The following CCNY variants were observed in gnomAD, a reference collection of about 807,000 sequenced individuals.
CCNY encodes the protein cyclin-Y.
Under a neutral mutation model 42.8 loss-of-function variants are expected in CCNY, and 19 were observed. The observed-to-expected ratio is 0.44, with a 90% CI of 0.31 to 0.65. The LOEUF is 0.65. Ranked by LOEUF, CCNY falls within the 30% of genes least tolerant of loss-of-function variation. CCNY has a pLI of 0.07. For synonymous variants in CCNY, 165 were observed against 162.7 expected, an observed-to-expected ratio of 1.01 and a Z score of -0.11; for missense variants, 370 against 437.3, an observed-to-expected ratio of 0.85 and a Z score of 1.37.
chr10:35,532,404 T>C (rs1840787467), intron 7 of CCNY, among the ~76,000 whole-genome samples: 1 of 152,246 alleles, frequency 6.6e-6, no homozygotes, highest in Non-Finnish European at 1.5e-5. Flanking sequence ...CTGGCCGTGC[T>C]TCCCACACGG....
chr10:35,455,334 A>C (rs1194253775), intron 1 of CCNY: 1 of 152,154 alleles, frequency 6.6e-6, no homozygotes, highest in African/African-American at 2.4e-5. Context: ...ATAAATGTGG[A>C]TTTTTCTACT....
Position 35,569,531 on chromosome 10 carries a change from C to T in CCNY, c.*361C>T, listed in dbSNP as rs756162256. 12 of 293,502 alleles carry T rather than the reference C, an allele frequency of 4.1e-5. No individual in the cohort carries two copies. The highest frequency in any genetic ancestry group is 3.7e-4 in the East Asian group (5 of 13,364). 18.2% of individuals were successfully genotyped at this position (293,502 alleles called of 1,614,324 possible). A position where few individuals can be genotyped will look rare whatever the true frequency, so the allele number is the denominator to read the frequency against. ...CGGTAGCTGAAGTTGGCGAGCGCAG[C>T]GGTGGATGCAGAGCTGGCTGCACCC... On this transcript the variant is annotated 3_prime_UTR_variant, in exon 10 of 10. Coordinates refer to ENST00000374704, the MANE Select transcript of CCNY (RefSeq NM_145012.6).
chr10:35,525,287 C>G (rs1840630438), intron 4 of CCNY, among the ~76,000 whole-genome samples: 1 of 152,026 alleles, frequency 6.6e-6, no homozygotes, highest in Non-Finnish European at 1.5e-5. Flanking sequence ...GAATATTTTT[C>G]TTACATTTTC....
intron 9 of CCNY, among the ~76,000 whole-genome samples, chr10:35,567,582 A>G (rs993177496): frequency 6.6e-6 from 1 of 152,198 alleles, no homozygotes; most frequent in Non-Finnish European, 1.5e-5. Context: ...ACCACTGCCC[A>G]TCCCAGGTGG....
chr10:35,396,406 A>G (rs1837527231), intron 1 of CCNY, among the ~76,000 whole-genome samples: 1 of 152,134 alleles, frequency 6.6e-6, no homozygotes, highest in South Asian at 2.1e-4. Flanking sequence ...AGGTGCCGCA[A>G]GAAGGTGGGG....
At chr10:35,381,215 A>G (rs1373429567) in intron 1 of CCNY, among the ~76,000 whole-genome samples, 1 of 152,234 alleles carries the variant, frequency 6.6e-6, no homozygotes, top group Non-Finnish European at 1.5e-5. Context: ...TTGAGTTTTA[A>G]TAATAGATAC....
intron 1 of CCNY, among the ~76,000 whole-genome samples, chr10:35,456,690 T>G (rs1266363711): frequency 6.6e-6 from 1 of 152,236 alleles, no homozygotes; most frequent in Non-Finnish European, 1.5e-5. Flanking sequence ...ATATTGCCTT[T>G]CTACTTTCTC....
At chr10:35,449,903 C>T in intron 1 of CCNY, 3 of 593,538 alleles carry the variant, frequency 5.1e-6, no homozygotes, top group Non-Finnish European at 6.4e-6. Context: ...CAGGGCCTAC[C>T]TGAGTAGGGT....
rs190708773 is a variant in CCNY, at chr10:35,386,311, G to C, written c.154+49104G>C. Among the ~76,000 whole-genome samples, 533 of 152,278 alleles carry C rather than the reference G, an allele frequency of 3.5e-3. 5 individuals carry two copies. The highest frequency in any genetic ancestry group is 0.013 in the African/African-American group (522 of 41,556). On this transcript the variant is annotated intron_variant, in intron 1 of 9. Coordinates refer to ENST00000374704, the MANE Select transcript of CCNY (RefSeq NM_145012.6). ...AAAAGGCAGGTCCAGAATGGAAAGGGATTTCCCGGTAAAGCATGGCAGCTT... is the reference window on the plus strand; with the variant it reads ...AAAAGGCAGGTCCAGAATGGAAAGGCATTTCCCGGTAAAGCATGGCAGCTT...
intron 1 of CCNY, among the ~76,000 whole-genome samples, chr10:35,383,355 T>A (rs1009295310): frequency 6.6e-6 from 1 of 152,110 alleles, no homozygotes; most frequent in Non-Finnish European, 1.5e-5. Flanking sequence ...TTGCCCAGGC[T>A]GGAGTGCAGT....
intron 7 of CCNY, among the ~76,000 whole-genome samples, chr10:35,548,795 A>T (rs1305720292): frequency 6.6e-6 from 1 of 151,942 alleles, no homozygotes; most frequent in Non-Finnish European, 1.5e-5. Context: ...TTACCGAAAA[A>T]ATCTGCGTAT....
intron 1 of CCNY, chr10:35,455,219 A>T (rs964673278): frequency 6.6e-6 from 1 of 152,226 alleles, no homozygotes; most frequent in African/African-American, 2.4e-5. Context: ...AAAATAGAAA[A>T]TAAGAGTATA....
In CCNY at chr10:35,315,588, C is replaced by T. The variant is rs576207982; in HGVS notation, c.-9+64962C>T. ...GCAATGAACAATCACATGCATGTGT[C>T]TTTAAGGCAGAACAATTTATATTCC... On this transcript the variant is annotated intron_variant, in intron 3 of 11. Coordinates refer to the CCNY transcript ENST00000374706. Among the ~76,000 whole-genome samples the T allele has an allele frequency of 9.2e-5, 14 of 152,252 alleles. No homozygotes were observed. In the South Asian group the frequency reaches 2.9e-3, roughly 32 times the overall value.
intron 1 of CCNY, among the ~76,000 whole-genome samples, chr10:35,471,790 A>T (rs11591533): frequency 6.6e-6 from 1 of 152,086 alleles, no homozygotes; most frequent in Non-Finnish European, 1.5e-5. Context: ...AAATAGGCTA[A>T]GACTCTGCTT....
In CCNY at chr10:35,516,641, T is replaced by TTTCCTTCC. The variant is rs756091949; in HGVS notation, c.365+33_365+40dup. On this transcript the variant is annotated intron_variant, in intron 4 of 9. Coordinates refer to ENST00000374704, the MANE Select transcript of CCNY (RefSeq NM_145012.6). The stretch of plus-strand genomic sequence containing the variant: ...ATTAAATGGTGGGTATATGGATTTA[T>TTTCCTTCC]TTCCTTCCTTCCTTCCTTCCTTTTT... 1.1e-5 allele frequency: 14 copies of TTTCCTTCC among 1,320,436 alleles called. No individual in the cohort carries two copies. In the East Asian group the frequency reaches 1.7e-4, roughly 16 times the overall value. The allele number at this position is 1,320,436 out of a possible 1,614,324, so 81.8% of individuals were successfully genotyped here.
chr10:35,253,983 C>T (rs1361690405), intron 3 of CCNY, among the ~76,000 whole-genome samples: 1 of 150,586 alleles, frequency 6.6e-6, no homozygotes, highest in Non-Finnish European at 1.5e-5. Context: ...TCACGCCATT[C>T]TCCTGCCTCA....
chr10:35,378,888 T>C (rs112692007), intron 1 of CCNY, among the ~76,000 whole-genome samples: 2 of 152,332 alleles, frequency 1.3e-5, no homozygotes, highest in Non-Finnish European at 2.9e-5. Flanking sequence ...TCCTAACTTA[T>C]GCTGGTTTGT....
chr10:35,265,842 C>A (rs1383709731), intron 3 of CCNY, among the ~76,000 whole-genome samples: 1 of 152,128 alleles, frequency 6.6e-6, no homozygotes, highest in Non-Finnish European at 1.5e-5. Flanking sequence ...TGAAGCCCAC[C>A]AGCGTGTCAC....
chr10:35,430,962 CA>C (rs1838381504), intron 1 of CCNY, among the ~76,000 whole-genome samples: 1 of 151,750 alleles, frequency 6.6e-6, no homozygotes, highest in African/African-American at 2.4e-5. Flanking sequence ...ACTAAAAATA[CA>C]AAAATTAGCT....
Sources: allele counts gnomAD v4.1 joint callset (sites outside exome capture counted in the v4.1 genomes callset), GRCh38; gene constraint gnomAD v4.1.1; transcripts MANE v1.5; gene names NCBI Gene and HGNC (gene_info 2026-07-23, HGNC 2026-07-21).